The following INPP4B variants were observed in gnomAD, a reference collection of about 807,000 sequenced individuals.
The protein encoded by INPP4B is inositol polyphosphate-4-phosphatase type II B.
Under a neutral mutation model 122.5 loss-of-function variants are expected in INPP4B, and 55 were observed. The ratio of observed to expected loss-of-function variants is 0.45; its 90% CI spans 0.36 to 0.56. The LOEUF (loss-of-function observed/expected upper bound fraction) is 0.56, where lower values mean the gene tolerates loss of function less well. Among genes scored for constraint, INPP4B ranks in the 20% least tolerant of loss-of-function variants. INPP4B has a pLI of 0.00. For missense variants in INPP4B, 1,000 were observed against 1,097.7 expected (o/e 0.91, Z 1.26); for synonymous variants, 403 against 388.7 (o/e 1.04, Z -0.43).
intron 2 of INPP4B, among the ~76,000 whole-genome samples, chr4:142,494,029 A>T (rs141378257): frequency 6.6e-6 from 1 of 152,234 alleles, no homozygotes; most frequent in Non-Finnish European, 1.5e-5. Flanking sequence ...ACAAGGTCTG[A>T]TGGTTTTATA....
chr4:142,271,911 C>T (rs1024552039), intron 9 of INPP4B, among the ~76,000 whole-genome samples: 19 of 152,010 alleles, frequency 1.2e-4, no homozygotes, highest in Admixed American at 4.6e-4. Context: ...TTTCCTTTTC[C>T]GAGCAAGAAA....
chr4:142,839,409 G>C (rs1223239004), intron 1 of INPP4B, among the ~76,000 whole-genome samples: 1 of 152,088 alleles, frequency 6.6e-6, no homozygotes, highest in Non-Finnish European at 1.5e-5. Context: ...ACTCCAGCCT[G>C]AGCGACAGAG....
At chr4:142,842,626 T>G (rs1474664964) in intron 1 of INPP4B, among the ~76,000 whole-genome samples, 1 of 135,864 alleles carries the variant, frequency 7.4e-6, no homozygotes, top group Admixed American at 8.1e-5. Context: ...TATATTTATA[T>G]ATAATAATCC....
chr4:142,111,614 T>C (rs1287602899), intron 22 of INPP4B, among the ~76,000 whole-genome samples: 1 of 152,028 alleles, frequency 6.6e-6, no homozygotes, highest in Non-Finnish European at 1.5e-5. Context: ...CCCAAAGTGC[T>C]AGGATTTACA....
chr4:142,553,674 T>A (rs79258873), intron 2 of INPP4B, among the ~76,000 whole-genome samples: 1 of 152,238 alleles, frequency 6.6e-6, no homozygotes, highest in Non-Finnish European at 1.5e-5. Context: ...GGTAAATACC[T>A]TGATAATGTA....
chr4:142,666,850 A>G (rs1312334996), intron 2 of INPP4B, among the ~76,000 whole-genome samples: 5 of 152,210 alleles, frequency 3.3e-5, no homozygotes, highest in Admixed American at 3.3e-4. Context: ...CAAACTATTT[A>G]TATGAATGGA....
chr4:142,493,851 G>T (rs1252420701), intron 2 of INPP4B, among the ~76,000 whole-genome samples: 1 of 152,104 alleles, frequency 6.6e-6, no homozygotes, highest in Admixed American at 6.5e-5. Context: ...AATGAGAACT[G>T]GGAGGGACCA....
intron 25 of INPP4B, among the ~76,000 whole-genome samples, chr4:142,067,538 A>G (rs1764235909): frequency 6.6e-6 from 1 of 152,216 alleles, no homozygotes; most frequent in Non-Finnish European, 1.5e-5. Flanking sequence ...TCTCTGAGCT[A>G]AAGGAGGATG....
intron 1 of INPP4B, among the ~76,000 whole-genome samples, chr4:142,845,097 T>C (rs1376809942): frequency 1.3e-5 from 2 of 152,134 alleles, no homozygotes; most frequent in African/African-American, 4.8e-5. Context: ...TAAATTTACA[T>C]CCTTAAAACA....
intron 8 of INPP4B, among the ~76,000 whole-genome samples, chr4:142,309,363 A>G (rs996272356): frequency 2.6e-5 from 4 of 152,176 alleles, no homozygotes; most frequent in African/African-American, 7.2e-5. Flanking sequence ...AAAAAAGATG[A>G]AAAAAGATAC....
At chr4:142,716,492 A>G (rs1763785553) in intron 2 of INPP4B, among the ~76,000 whole-genome samples, 1 of 152,288 alleles carries the variant, frequency 6.6e-6, no homozygotes, top group South Asian at 2.1e-4. Context: ...CCCAAACGGC[A>G]GAACAAAAAA....
chr4:142,652,893 C>G (rs1202092573), intron 2 of INPP4B, among the ~76,000 whole-genome samples: 1 of 152,190 alleles, frequency 6.6e-6, no homozygotes, highest in Admixed American at 6.5e-5. Flanking sequence ...AAAAAAGAGC[C>G]TGCATTGCCA....
chr4:142,842,727 TATA>T (rs1287998168), intron 1 of INPP4B, among the ~76,000 whole-genome samples: 45 of 131,826 alleles, frequency 3.4e-4, no homozygotes, highest in Middle Eastern at 4.0e-3. Flanking sequence ...ATTAATATAT[TATA>T]ATATTAATAT....
intron 1 of INPP4B, among the ~76,000 whole-genome samples, chr4:142,794,953 T>C (rs1015646316): frequency 4.7e-5 from 6 of 126,378 alleles, no homozygotes; most frequent in Middle Eastern, 4.1e-3. Context: ...TGTGTGTGTA[T>C]ATACATATAT....
chr4:142,052,498 G>A (rs963325965), intron 25 of INPP4B, among the ~76,000 whole-genome samples: 2 of 151,772 alleles, frequency 1.3e-5, no homozygotes, highest in Admixed American at 1.3e-4. Flanking sequence ...TTACACTTTT[G>A]GAAACACTTA....
chr4:142,224,318 G>C (rs1850607091), intron 12 of INPP4B, among the ~76,000 whole-genome samples: 1 of 152,042 alleles, frequency 6.6e-6, no homozygotes, highest in African/African-American at 2.4e-5. Flanking sequence ...TTTTGATAAA[G>C]AATTCACCTA....
chr4:142,575,078 A>C (rs1470181084), intron 2 of INPP4B, among the ~76,000 whole-genome samples: 2 of 152,102 alleles, frequency 1.3e-5, no homozygotes, highest in South Asian at 4.1e-4. Flanking sequence ...CTGATTTTCA[A>C]TTCTTATAAG....
At chr4:142,588,619 GAATA>G (rs1314185251) in intron 2 of INPP4B, among the ~76,000 whole-genome samples, 3 of 150,472 alleles carry the variant, frequency 2.0e-5, no homozygotes, top group Non-Finnish European at 4.4e-5. Flanking sequence ...AATGAAATAA[GAATA>G]AATATAACAA....
Position 142,429,192 on chromosome 4 carries a change from C to A in INPP4B, c.117G>T (p.Pro39=). 1.9e-6 allele frequency: 3 copies of A among 1,566,122 alleles called. No homozygotes were observed. Among genetic ancestry groups the A allele is most frequent in the South Asian group, 1.1e-5 (1 of 87,782 alleles). ...FTSIQKTPNE[P]QLEFILACKD... is the part of the protein sequence containing the mutation. ...TCTTACCAAGGATGAATTCCAACTG[C>A]GGTTCATTTGGAGTCTTCTGGATAC... Residue 39 remains proline (P), a synonymous_variant, in exon 5 of 26, where the codon CCG becomes CCT. Transcript: ENST00000262992.
Sources: allele counts gnomAD v4.1 joint callset (sites outside exome capture counted in the v4.1 genomes callset), GRCh38; gene constraint gnomAD v4.1.1; transcripts MANE v1.5; gene names NCBI Gene and HGNC (gene_info 2026-07-23, HGNC 2026-07-21).